NTSR1: variants seen among roughly 807,000 people sequenced by gnomAD.
The protein encoded by NTSR1 is neurotensin receptor type 1.
A neutral mutation model predicts 31.2 loss-of-function variants in NTSR1; 29 were observed. The observed-to-expected ratio is 0.93, with a 90% CI of 0.69 to 1.27. The LOEUF (loss-of-function observed/expected upper bound fraction) is 1.27, where lower values mean the gene tolerates loss of function less well. Among genes scored for constraint, NTSR1 ranks in the 50% most tolerant of loss-of-function variants. The pLI is 0.00. For missense variants in NTSR1, 697 were observed against 595.4 expected, an observed-to-expected ratio of 1.17 and a Z score of -1.78; for synonymous variants, 282 against 269.9, an observed-to-expected ratio of 1.04 and a Z score of -0.44.
At chr20:62,756,792 T>A (rs1989521303) in intron 2 of NTSR1, 1 of 152,256 alleles carries the variant, frequency 6.6e-6, no homozygotes, top group South Asian at 2.1e-4. Context: ...CCTAATAGAT[T>A]TGAGGTGGCA....
chr20:62,728,106 C>G (rs1988939959), intron 1 of NTSR1, among the ~76,000 whole-genome samples: 1 of 151,900 alleles, frequency 6.6e-6, no homozygotes, highest in Non-Finnish European at 1.5e-5. Context: ...AAGGACGAGC[C>G]TTGTGGATGA....
At chr20:62,728,720 C>T (rs1388773540) in intron 1 of NTSR1, among the ~76,000 whole-genome samples, 1 of 152,166 alleles carries the variant, frequency 6.6e-6, no homozygotes, top group Non-Finnish European at 1.5e-5. Flanking sequence ...CAGGCCAACA[C>T]CCGGAGGCCA....
At chr20:62,719,306 TAGTC>T (rs1323151460) in intron 1 of NTSR1, among the ~76,000 whole-genome samples, 5 of 152,180 alleles carry the variant, frequency 3.3e-5, no homozygotes, top group African/African-American at 9.7e-5. Flanking sequence ...TTTTCTCCAT[TAGTC>T]AGTTAATGTG....
At chr20:62,735,778 C>T (rs902624465) in intron 1 of NTSR1, among the ~76,000 whole-genome samples, 10 of 152,176 alleles carry the variant, frequency 6.6e-5, no homozygotes, top group Admixed American at 2.0e-4. Context: ...GCACACACTG[C>T]GACCGGGGAC....
rs1161845879 is a variant in NTSR1, at chr20:62,733,177, G to T, written c.715-21508G>T. Reference sequence around the variant, plus strand: ...GCAGTGTGTAGACGTTCTTTCGGAAGAAGATCTGTCAGAGAAAATGCAAGC... The same window carrying T: ...GCAGTGTGTAGACGTTCTTTCGGAATAAGATCTGTCAGAGAAAATGCAAGC... On this transcript the variant is annotated intron_variant, in intron 1 of 3. Coordinates refer to ENST00000370501, the MANE Select transcript of NTSR1 (RefSeq NM_002531.3). This position sits in a 1 kb window ranked among gnomAD's most constrained non-coding sequence, Gnocchi z 5.2. 1.5e-5 allele frequency: 2 copies of T among 130,206 alleles called. No homozygotes were observed. Among genetic ancestry groups the T allele is most frequent in the Non-Finnish European group, 3.4e-5 (2 of 59,424 alleles). 8.1% of individuals were successfully genotyped at this position (130,206 alleles called of 1,614,324 possible).
At chr20:62,751,321 G>A (rs1989390746) in intron 1 of NTSR1, among the ~76,000 whole-genome samples, 1 of 152,214 alleles carries the variant, frequency 6.6e-6, no homozygotes, top group Admixed American at 6.5e-5. Context: ...TTCTTACCAT[G>A]TGGAATTTTT....
intron 1 of NTSR1, 44 bp downstream of exon 1, chr20:62,709,965 C>T: frequency 6.9e-7 from 1 of 1,441,496 alleles, no homozygotes; most frequent in African/African-American, 1.4e-5. Flanking sequence ...CTCCTTCACC[C>T]CAAAAGCAGT....
rs1989210212 is a variant in NTSR1 at position 62,741,697 on chromosome 20, G to T, written c.715-12988G>T. On this transcript the variant is annotated intron_variant, in intron 1 of 3. Transcript: ENST00000370501. This position sits in a 1 kb window ranked among gnomAD's most constrained non-coding sequence, Gnocchi z 4.3. ...CAGAGTGGAGGAGCCATGGACAGAG[G>T]CTGTGGGGCAGGCTCAGTCCCTGAG... is the stretch of plus-strand genomic sequence containing the variant. Among the ~76,000 whole-genome samples the T allele has an allele frequency of 6.7e-6, 1 of 149,774 alleles. No individual in the cohort carries two copies.
At chr20:62,729,388 G>A (rs567108349) in intron 1 of NTSR1, among the ~76,000 whole-genome samples, 10 of 152,200 alleles carry the variant, frequency 6.6e-5, no homozygotes, top group Admixed American at 2.0e-4. Context: ...TGCATGGAGC[G>A]GGGGCAGTCC....
At chr20:62,738,978 G>A (rs760677013) in intron 1 of NTSR1, among the ~76,000 whole-genome samples, 2 of 152,176 alleles carry the variant, frequency 1.3e-5, no homozygotes, top group African/African-American at 2.4e-5. Context: ...GGGACTTGTC[G>A]CCTCCCCAGT....
At chr20:62,753,345 G>A (rs997734765) in intron 1 of NTSR1, among the ~76,000 whole-genome samples, 3 of 152,228 alleles carry the variant, frequency 2.0e-5, no homozygotes, top group African/African-American at 7.2e-5. Flanking sequence ...GGCGAGGATT[G>A]TCCTCACCGG....
intron 1 of NTSR1, among the ~76,000 whole-genome samples, chr20:62,724,507 G>A (rs926909863): frequency 5.3e-5 from 8 of 152,204 alleles, no homozygotes; most frequent in African/African-American, 1.9e-4. Flanking sequence ...CCCATCTAAT[G>A]TATTAAAAAT....
intron 1 of NTSR1, among the ~76,000 whole-genome samples, chr20:62,747,680 C>T (rs1318772551): frequency 1.3e-5 from 2 of 152,176 alleles, no homozygotes; most frequent in Non-Finnish European, 2.9e-5. Context: ...AAGGCATTCA[C>T]ATCAGAAAGG....
intron 1 of NTSR1, among the ~76,000 whole-genome samples, chr20:62,720,992 A>G (rs1248310629): frequency 1.3e-5 from 2 of 152,248 alleles, no homozygotes; most frequent in Non-Finnish European, 2.9e-5. Flanking sequence ...TTTAGAGAAC[A>G]AATGTGCATG....
rs998194531 is a variant in NTSR1 at position 62,744,073 on chromosome 20, C to T, written c.715-10612C>T. On this transcript the variant is annotated intron_variant, in intron 1 of 3. Coordinates refer to ENST00000370501, the MANE Select transcript of NTSR1 (RefSeq NM_002531.3). The surrounding 1 kb of genome is among the most constrained non-coding windows in gnomAD (Gnocchi z 4.1). ...GTCCTCCCCATCAAAATTACACATG[C>T]GAGGGGGCAGAGGCCAGGCTGTCCC... Among the ~76,000 whole-genome samples, 1 of 152,192 alleles carries T rather than the reference C, an allele frequency of 6.6e-6. No homozygotes were observed. Among genetic ancestry groups the T allele is most frequent in the Non-Finnish European group, 1.5e-5 (1 of 68,032 alleles).
chr20:62,752,364 C>T (rs1436891535), intron 1 of NTSR1, among the ~76,000 whole-genome samples: 3 of 151,644 alleles, frequency 2.0e-5, no homozygotes, highest in Admixed American at 6.6e-5. Context: ...TCCAGCTGTG[C>T]GTCTGGGAAG....
chr20:62,760,111 C>T lies in NTSR1; in HGVS notation c.1101C>T (p.Val367=). ...TCAACCCCATCCTGTACAACCTCGT[C>T]TCTGCCAACTTCCGCCACATCTTCC... is the stretch of plus-strand genomic sequence containing the variant. ...STINPILYNL[V]SANFRHIFLA... Residue 367 remains valine, a synonymous_variant, in exon 4 of 4, where the codon GTC becomes GTT. Transcript: ENST00000370501. 5.6e-6 allele frequency: 9 copies of T among 1,614,228 alleles called. No homozygotes were observed. The highest frequency in any genetic ancestry group is 5.9e-6 in the Non-Finnish European group (7 of 1,180,038).
At chr20:62,723,884 T>C (rs1988863101) in intron 1 of NTSR1, among the ~76,000 whole-genome samples, 1 of 152,208 alleles carries the variant, frequency 6.6e-6, no homozygotes, top group South Asian at 2.1e-4. Context: ...GTGAACACGC[T>C]GACCCCCTGG....
At chr20:62,739,970 G>T (rs1188500368) in intron 1 of NTSR1, among the ~76,000 whole-genome samples, 1 of 152,228 alleles carries the variant, frequency 6.6e-6, no homozygotes, top group Non-Finnish European at 1.5e-5. Flanking sequence ...GCCCCTGGCC[G>T]CACCGCCTCG....
Sources: allele counts gnomAD v4.1 joint callset (sites outside exome capture counted in the v4.1 genomes callset), GRCh38; gene constraint gnomAD v4.1.1; non-coding constraint Gnocchi (gnomAD v3.1); transcripts MANE v1.5; gene names NCBI Gene and HGNC (gene_info 2026-07-23, HGNC 2026-07-21).